PGR: variants seen among roughly 807,000 people sequenced by gnomAD.
PGR encodes the protein nuclear receptor subfamily 3 group C member 3.
PGR carries 25 observed loss-of-function variants against 76.1 expected under a neutral mutation model. The observed-to-expected ratio is 0.33, with a 90% CI of 0.24 to 0.46. PGR has a LOEUF of 0.46. PGR is among the 20% of genes least tolerant of loss of function. The pLI, the probability that PGR is intolerant of heterozygous loss-of-function variation, is 1.00. For synonymous variants in PGR, 579 were observed against 535.0 expected (o/e 1.08, Z -1.14); for missense variants, 1,172 against 1,225.3 (o/e 0.96, Z 0.65).
At chr11:101,071,732 T>C (rs1459320829) in intron 3 of PGR, among the ~76,000 whole-genome samples, 2 of 151,496 alleles carry the variant, frequency 1.3e-5, no homozygotes, top group Admixed American at 6.6e-5. Flanking sequence ...ATATCAGAGA[T>C]TGAAGATCAA....
intron 4 of PGR, among the ~76,000 whole-genome samples, chr11:101,053,813 C>T (rs978729849): frequency 6.8e-6 from 1 of 147,816 alleles, no homozygotes; most frequent in Non-Finnish European, 1.5e-5. Context: ...TTCCCTCCTT[C>T]CTTCCTCCCC....
At chr11:101,084,941 C>T (rs522053) in intron 3 of PGR, among the ~76,000 whole-genome samples, 50,054 of 152,050 alleles carry the variant, frequency 0.33, 8,662 homozygotes, top group African/African-American at 0.44. Flanking sequence ...GCCCTCAACA[C>T]TGGCACACCC....
chr11:101,062,885 G>GC, intron 3 of PGR, 133 bp from the exon 4 acceptor site: 1 of 539,936 alleles, frequency 1.9e-6, no homozygotes, highest in Non-Finnish European at 3.1e-6. Flanking sequence ...TAGAATAAAA[G>GC]TGTTAGATAT....
At chr11:101,117,273 T>G (rs919092918) in intron 2 of PGR, among the ~76,000 whole-genome samples, 3 of 152,192 alleles carry the variant, frequency 2.0e-5, no homozygotes, top group Admixed American at 1.3e-4. Context: ...ATTAGTGAGT[T>G]GAGCCTTCTT....
chr11:101,113,652 AAGG>A (rs1393153591), intron 2 of PGR, among the ~76,000 whole-genome samples: 26 of 152,280 alleles, frequency 1.7e-4, no homozygotes, highest in African/African-American at 6.3e-4. Context: ...TCCTTTTATA[AAGG>A]AAAATGTAAA....
intron 7 of PGR, 39 bp from the exon 8 acceptor site, chr11:101,039,310 A>C (rs200889516): frequency 2.7e-6 from 4 of 1,468,112 alleles, no homozygotes; most frequent in Non-Finnish European, 3.8e-6. Flanking sequence ...ATGTAATAAA[A>C]ATAATAAATT....
intron 2 of PGR, among the ~76,000 whole-genome samples, chr11:101,124,539 C>A: frequency 6.6e-6 from 1 of 152,170 alleles, no homozygotes; most frequent in East Asian, 1.9e-4. Flanking sequence ...TGGGGTAGGA[C>A]AAATTGGGCT....
In PGR at chr11:101,056,204, G is replaced by A. The variant is rs72563163; in HGVS notation, c.2213-4636C>T. Among the ~76,000 whole-genome samples the A allele has an allele frequency of 3.6e-3, 534 of 149,644 alleles. 3 individuals are homozygous for A. Among genetic ancestry groups the A allele is most frequent in the African/African-American group, 0.012 (508 of 40,770 alleles). ...AAAACCTTCACATGGAGAAGTGATGGATTATCACTAATTGTGTTTAACAAA... is the reference window on the plus strand; with the variant it reads ...AAAACCTTCACATGGAGAAGTGATGAATTATCACTAATTGTGTTTAACAAA... On this transcript the variant is annotated intron_variant, in intron 4 of 7. Transcript: ENST00000325455.
At chr11:101,108,578 C>T (rs887768614) in intron 2 of PGR, among the ~76,000 whole-genome samples, 7 of 152,302 alleles carry the variant, frequency 4.6e-5, no homozygotes, top group East Asian at 1.9e-4. Context: ...AATATCATCT[C>T]GTGCTTCAAA....
At chr11:101,059,842 C>CCAAAAAAA (rs1860420116) in intron 4 of PGR, among the ~76,000 whole-genome samples, 1 of 62,808 alleles carries the variant, frequency 1.6e-5, no homozygotes, top group Admixed American at 1.9e-4. Context: ...GACCCTCTCT[C>CCAAAAAAA]AAAAAAAAAA....
intron 6 of PGR, among the ~76,000 whole-genome samples, chr11:101,045,353 G>T (rs914347800): frequency 6.6e-6 from 1 of 151,960 alleles, no homozygotes. Flanking sequence ...GTGCAGTTTT[G>T]TTACATGAAT....
chr11:101,052,867 AGAT>A (rs1253537266), intron 4 of PGR, among the ~76,000 whole-genome samples: 1 of 152,198 alleles, frequency 6.6e-6, no homozygotes, highest in Non-Finnish European at 1.5e-5. Flanking sequence ...CTTGAAGGGT[AGAT>A]GATGATAACA....
intron 2 of PGR, among the ~76,000 whole-genome samples, chr11:101,095,352 T>A (rs912443948): frequency 2.6e-5 from 4 of 152,158 alleles, no homozygotes; most frequent in Non-Finnish European, 5.9e-5. Flanking sequence ...AGACTGCTTG[T>A]TCAAAGCTCA....
At chr11:101,080,214 C>T (rs1422075942) in intron 3 of PGR, among the ~76,000 whole-genome samples, 1 of 152,052 alleles carries the variant, frequency 6.6e-6, no homozygotes, top group Non-Finnish European at 1.5e-5. Context: ...AGAGCTTTTG[C>T]TCGGAAACAA....
chr11:101,109,293 T>A (rs1862272404), intron 2 of PGR, among the ~76,000 whole-genome samples: 1 of 152,122 alleles, frequency 6.6e-6, no homozygotes. Context: ...GAGGGAGGAA[T>A]GTCAAAAGCC....
rs533027551 is a variant in PGR at position 101,072,142 on chromosome 11, T to A, written c.1907-9390A>T. Among the ~76,000 whole-genome samples, 4 of 152,306 alleles carry A rather than the reference T, an allele frequency of 2.6e-5. No individual in the cohort carries two copies. The South Asian group carries it at 8.3e-4, about 32-fold the overall frequency. ...ACAGCAGATCTCTCTGCTGAAACCCTACATGCCAGAAGAGAGTGGAGGCCA... is the reference window on the plus strand; with the variant it reads ...ACAGCAGATCTCTCTGCTGAAACCCAACATGCCAGAAGAGAGTGGAGGCCA... On this transcript the variant is annotated intron_variant, in intron 3 of 7. Transcript: ENST00000325455.
intron 2 of PGR, among the ~76,000 whole-genome samples, chr11:101,115,571 A>G (rs1862475326): frequency 6.6e-6 from 1 of 152,164 alleles, no homozygotes; most frequent in Admixed American, 6.5e-5. Context: ...CAGGAGTTCA[A>G]GAGCAACCTG....
rs1235343004 is a variant in PGR at position 101,129,041 on chromosome 11, C to T, written c.30G>A (p.Arg10=). The T allele has an allele frequency of 6.4e-7, 1 of 1,563,746 alleles. No individual in the cohort carries two copies. The highest frequency in any genetic ancestry group is 8.7e-7 in the Non-Finnish European group (1 of 1,154,674). Residue 10 remains arginine, a synonymous_variant, in exon 1 of 8, where the codon CGG becomes CGA. Transcript: ENST00000325455. The part of the protein sequence containing the change: MTELKAKGP[R]APHVAGGPPS... ...GCGGGCCGCCCGCCACGTGGGGAGCCCGGGGACCCTTTGCCTTCAGCTCAG... is the reference window on the plus strand; with the variant it reads ...GCGGGCCGCCCGCCACGTGGGGAGCTCGGGGACCCTTTGCCTTCAGCTCAG...
intron 1 of PGR, 151 bp downstream of exon 1, chr11:101,127,283 G>T: frequency 2.0e-6 from 1 of 489,122 alleles, no homozygotes. Flanking sequence ...GGAGGCAACT[G>T]CCCCTGTGCT....
Sources: allele counts gnomAD v4.1 joint callset (sites outside exome capture counted in the v4.1 genomes callset), GRCh38; gene constraint gnomAD v4.1.1; transcripts MANE v1.5; gene names NCBI Gene and HGNC (gene_info 2026-07-23, HGNC 2026-07-21).